PHF21B: variants seen among roughly 807,000 people sequenced by gnomAD.
PHF21B encodes PHD finger protein 4.
A neutral mutation model predicts 62.2 loss-of-function variants in PHF21B; 22 were observed. The ratio of observed to expected loss-of-function variants is 0.35; its 90% CI spans 0.25 to 0.51. The LOEUF (loss-of-function observed/expected upper bound fraction) is 0.51. Among genes scored for constraint, PHF21B ranks in the 20% least tolerant of loss-of-function variants. The pLI, the probability that PHF21B is intolerant of heterozygous loss-of-function variation, is 0.97. For synonymous variants in PHF21B, 341 were observed against 314.7 expected, an observed-to-expected ratio of 1.08 and a Z score of -0.88; for missense variants, 701 against 707.9, an observed-to-expected ratio of 0.99 and a Z score of 0.11.
chr22:44,980,371 G>A (rs2072818202), intron 2 of PHF21B, among the ~76,000 whole-genome samples: 1 of 152,210 alleles, frequency 6.6e-6, no homozygotes, highest in South Asian at 2.1e-4. Context: ...ATGTAGCGAT[G>A]TGGACACACG....
chr22:44,921,906 A>G (rs899383605), intron 2 of PHF21B, among the ~76,000 whole-genome samples: 2 of 150,540 alleles, frequency 1.3e-5, no homozygotes, highest in South Asian at 4.2e-4. Context: ...TGATCCACCC[A>G]CCTCGGCCTC....
intron 2 of PHF21B, among the ~76,000 whole-genome samples, chr22:44,993,268 C>A (rs2073069760): frequency 6.6e-6 from 1 of 152,226 alleles, no homozygotes. Flanking sequence ...AGCTGGTTCA[C>A]ACTCCAGCTT....
intron 5 of PHF21B, among the ~76,000 whole-genome samples, chr22:44,904,486 T>C (rs1415268341): frequency 6.6e-6 from 1 of 152,160 alleles, no homozygotes; most frequent in Non-Finnish European, 1.5e-5. Flanking sequence ...GCCCTTGCTC[T>C]TGAAAAACAA....
rs1569209460 is a variant in PHF21B, at chr22:44,891,364, C to T, written c.961-4G>A. 3 of 1,613,662 alleles carry T rather than the reference C, an allele frequency of 1.9e-6. No homozygotes were observed. Among genetic ancestry groups the T allele is most frequent in the Non-Finnish European group, 1.7e-6 (2 of 1,179,908 alleles). On this transcript the variant is annotated splice_polypyrimidine_tract_variant and splice_region_variant and intron_variant, in intron 7 of 12. Transcript: ENST00000313237. ...AGTTGGAGGCCAGCCGTTTCCTCTGCAGGGACAGAAAACAAAACAACACAC... is the reference window on the plus strand; with the variant it reads ...AGTTGGAGGCCAGCCGTTTCCTCTGTAGGGACAGAAAACAAAACAACACAC...
At chr22:45,004,291 G>A (rs781753445) in intron 2 of PHF21B, among the ~76,000 whole-genome samples, 3 of 152,112 alleles carry the variant, frequency 2.0e-5, no homozygotes, top group African/African-American at 4.8e-5. Context: ...GCAGTGAAGG[G>A]GCTATCACAA....
chr22:44,952,884 C>A (rs147901663), intron 2 of PHF21B, among the ~76,000 whole-genome samples: 3 of 152,302 alleles, frequency 2.0e-5, no homozygotes, highest in African/African-American at 7.2e-5. Flanking sequence ...CAGGATTCAG[C>A]CCCTGTGTCG....
chr22:44,930,739 C>G (rs2071725218), intron 2 of PHF21B, among the ~76,000 whole-genome samples: 1 of 152,206 alleles, frequency 6.6e-6, no homozygotes, highest in South Asian at 2.1e-4. Flanking sequence ...CTGGGGCAGG[C>G]ACCAGAAGGG....
At chr22:44,889,924 G>A in intron 8 of PHF21B, 142 bp from the exon 9 acceptor site, 1 of 842,224 alleles carries the variant, frequency 1.2e-6, no homozygotes, top group Non-Finnish European at 1.7e-6. Flanking sequence ...CATGATACCT[G>A]GGCTCTCACC....
At chr22:44,983,620 A>G (rs1023754384) in intron 2 of PHF21B, among the ~76,000 whole-genome samples, 2 of 152,188 alleles carry the variant, frequency 1.3e-5, no homozygotes, top group Non-Finnish European at 2.9e-5. Context: ...GTATTTTTTA[A>G]AAGTATTTTA....
intron 2 of PHF21B, among the ~76,000 whole-genome samples, chr22:44,992,497 G>A (rs2073056852): frequency 1.3e-5 from 2 of 152,242 alleles, no homozygotes; most frequent in African/African-American, 4.8e-5. Context: ...TGACTGTCAA[G>A]CACGTCACCC....
At position 44,888,081 on chromosome 22, in the gene PHF21B, C is replaced by T. The variant is rs747889782; in HGVS notation, c.1079G>A (p.Arg360Gln). 10 of 1,547,172 alleles carry T rather than the reference C, an allele frequency of 6.5e-6. No individual in the cohort carries two copies. Among genetic ancestry groups the T allele is most frequent in the African/African-American group, 1.4e-5 (1 of 73,034 alleles). ...THDEHCAACK[R>Q]GANLQPCGTC... ...GCCGCAGGGCTGCAGGTTGGCCCCTCGCTTGCAGGCGGCACAGTGCTCATC... is the reference window on the plus strand; with the variant it reads ...GCCGCAGGGCTGCAGGTTGGCCCCTTGCTTGCAGGCGGCACAGTGCTCATC... The change falls in exon 10 of 13, where the codon CGA becomes CAA. Residue 360 changes from arginine to glutamine, a missense_variant. Arg to Gln is a conservative substitution (Grantham distance 43). Transcript: ENST00000313237.
At chr22:44,948,529 TA>T (rs136703) in intron 2 of PHF21B, among the ~76,000 whole-genome samples, 17,812 of 150,708 alleles carry the variant, frequency 0.12, 1,728 homozygotes, top group East Asian at 0.35. Context: ...AAAAATAAAA[TA>T]AAAAAAAACA....
At chr22:44,922,143 A>G (rs552042275) in intron 2 of PHF21B, among the ~76,000 whole-genome samples, 1 of 152,358 alleles carries the variant, frequency 6.6e-6, no homozygotes, top group African/African-American at 2.4e-5. Flanking sequence ...AATAACAAAA[A>G]GGATAAGACA....
chr22:44,937,146 A>G (rs1487815763), intron 2 of PHF21B, among the ~76,000 whole-genome samples: 2 of 152,300 alleles, frequency 1.3e-5, no homozygotes, highest in South Asian at 2.1e-4. Flanking sequence ...GATTACAGGC[A>G]TGAACCACCG....
chr22:44,990,089 T>A (rs1272218516), intron 2 of PHF21B, among the ~76,000 whole-genome samples: 2 of 152,188 alleles, frequency 1.3e-5, no homozygotes, highest in Non-Finnish European at 2.9e-5. Flanking sequence ...AGAGGCCTAC[T>A]AGGGGCTGGG....
At chr22:44,990,623 GATAA>G (rs1684515103) in intron 2 of PHF21B, among the ~76,000 whole-genome samples, 1 of 152,204 alleles carries the variant, frequency 6.6e-6, no homozygotes, top group African/African-American at 2.4e-5. Context: ...GTTGCACAAA[GATAA>G]ATACTCTGTG....
chr22:44,896,883 T>TTTTTTTTGTTTG (rs1555933175), intron 5 of PHF21B, among the ~76,000 whole-genome samples: 2,214 of 132,342 alleles, frequency 0.017, 60 homozygotes, highest in South Asian at 0.034. Context: ...TTTATCTGTT[T>TTTTTTTTGTTTG]TTTTTTTTTT....
At chr22:44,915,570 A>G (rs755529316) in intron 4 of PHF21B, among the ~76,000 whole-genome samples, 5 of 152,016 alleles carry the variant, frequency 3.3e-5, no homozygotes, top group Non-Finnish European at 7.4e-5. Context: ...GAAGCACAGG[A>G]CTCCCGGGAA....
intron 2 of PHF21B, among the ~76,000 whole-genome samples, chr22:44,926,656 G>A (rs117797875): frequency 2.6e-5 from 4 of 152,348 alleles, no homozygotes; most frequent in East Asian, 1.9e-4. Context: ...ATGTTGCCTC[G>A]TGGACCAAGG....
Sources: allele counts gnomAD v4.1 joint callset (sites outside exome capture counted in the v4.1 genomes callset), GRCh38; gene constraint gnomAD v4.1.1; transcripts MANE v1.5; gene names NCBI Gene and HGNC (gene_info 2026-07-23, HGNC 2026-07-21).